The following GPALPP1 variants were observed in gnomAD, a reference collection of about 807,000 sequenced individuals.
The protein encoded by GPALPP1 is GPALPP motifs-containing protein 1.
GPALPP1 carries 30 observed loss-of-function variants against 38.9 expected under a neutral mutation model. The observed-to-expected ratio is 0.77, with a 90% CI of 0.58 to 1.05. GPALPP1 has a LOEUF of 1.05. GPALPP1 is among the 50% of genes least tolerant of loss of function. The pLI is 0.00. For synonymous variants in GPALPP1, 120 were observed against 139.2 expected (o/e 0.86, Z 0.97); for missense variants, 384 against 408.8 (o/e 0.94, Z 0.52).
rs1163282915 is a variant in GPALPP1 at position 45,027,863 on chromosome 13, C to G, written c.883C>G (p.Pro295Ala). The G allele has an allele frequency of 2.5e-6, 4 of 1,604,858 alleles. No individual in the cohort carries two copies. Among genetic ancestry groups the G allele is most frequent in the South Asian group, 1.1e-5 (1 of 90,866 alleles). ...TAAGGCTGCTGAAGACAAAAATAAG[C>G]CTCAAGAGAGAATACCATTTGACCG... ...KSKAAEDKNK[P>A]QERIPFDRDK... The change falls in exon 8 of 8, where the codon CCT becomes GCT. Residue 295 changes from proline to alanine, a missense_variant. Transcript: ENST00000379151.
At chr13:45,016,013 GA>G (rs893730664) in intron 6 of GPALPP1, among the ~76,000 whole-genome samples, 12 of 145,634 alleles carry the variant, frequency 8.2e-5, no homozygotes, top group African/African-American at 2.3e-4. Flanking sequence ...AAATATTTTA[GA>G]AAAAAAAAAC....
At chr13:45,032,016 T>G (rs143156066), downstream of GPALPP1, 35 of 152,350 alleles carry the variant, frequency 2.3e-4, no homozygotes, top group Admixed American at 9.1e-4. Flanking sequence ...CCATTTAAGT[T>G]TGTTATACTT....
intron 4 of GPALPP1, among the ~76,000 whole-genome samples, chr13:45,011,265 G>GT (rs1874455049): frequency 6.6e-6 from 1 of 152,136 alleles, no homozygotes; most frequent in South Asian, 2.1e-4. Flanking sequence ...CCTAGCTTGG[G>GT]TACGCTTAGC....
intron 1 of GPALPP1, among the ~76,000 whole-genome samples, chr13:44,997,541 G>C (rs1873379948): frequency 6.6e-6 from 1 of 152,092 alleles, no homozygotes; most frequent in Admixed American, 6.5e-5. Flanking sequence ...GGAGTAGTGA[G>C]TCTACCCTAC....
intron 3 of GPALPP1, among the ~76,000 whole-genome samples, chr13:45,007,511 T>C (rs946766391): frequency 1.3e-5 from 2 of 152,200 alleles, no homozygotes; most frequent in African/African-American, 4.8e-5. Context: ...AAAATTGTAC[T>C]CAGAAAAAAC....
intron 4 of GPALPP1, among the ~76,000 whole-genome samples, chr13:45,009,244 T>C (rs1874313280): frequency 1.3e-5 from 2 of 152,190 alleles, no homozygotes; most frequent in South Asian, 4.1e-4. Flanking sequence ...TTAACAATGG[T>C]CTTTACCTTG....
At chr13:44,994,395 C>T (rs149612668) in intron 1 of GPALPP1, among the ~76,000 whole-genome samples, 25 of 151,892 alleles carry the variant, frequency 1.6e-4, no homozygotes, top group South Asian at 8.3e-4. Flanking sequence ...CCAGCCTCAA[C>T]GTGGAGAAAC....
chr13:45,026,474 G>A (rs1875840328), intron 7 of GPALPP1, among the ~76,000 whole-genome samples: 1 of 152,034 alleles, frequency 6.6e-6, no homozygotes. Context: ...CCATTCATAT[G>A]ACACTCTGAA....
At chr13:45,031,987 G>A (rs965135962), downstream of GPALPP1, 1 of 152,178 alleles carries the variant, frequency 6.6e-6, no homozygotes, top group Non-Finnish European at 1.5e-5. Flanking sequence ...TACTTTTAAT[G>A]TTCTTACCAT....
chr13:44,991,237 G>A (rs944332782), intron 1 of GPALPP1, among the ~76,000 whole-genome samples: 2 of 151,474 alleles, frequency 1.3e-5, no homozygotes, highest in Admixed American at 6.6e-5. Context: ...TCACGAGGTC[G>A]AGAGATCGAG....
At position 45,004,336 on chromosome 13, in the gene GPALPP1, AAGC is replaced by A. The variant is rs755739321; in HGVS notation, c.123_125del (p.Ser44del). The A allele has an allele frequency of 5.0e-6, 8 of 1,611,550 alleles. No individual in the cohort carries two copies. The Admixed American group carries it at 1.0e-4, about 20-fold the overall frequency. On this transcript the variant is annotated inframe_deletion, in exon 2 of 8. Transcript: ENST00000379151. Reference sequence around the variant, plus strand: ...GACCAGCTCTGCCCCCTAATTATAAAAGCAGTAGTTCAGATTCATCAGACAGCG... The same window carrying A: ...GACCAGCTCTGCCCCCTAATTATAAAAGTAGTTCAGATTCATCAGACAGCG...
chr13:45,000,702 A>G (rs191173671), intron 1 of GPALPP1, among the ~76,000 whole-genome samples: 12 of 152,312 alleles, frequency 7.9e-5, no homozygotes, highest in East Asian at 1.9e-4. Context: ...AAAAGAGCCA[A>G]TCACTCCTGT....
intron 4 of GPALPP1, 150 bp from the exon 5 acceptor site, chr13:45,014,802 C>A: frequency 1.8e-6 from 1 of 556,864 alleles, no homozygotes; most frequent in African/African-American, 2.0e-5. Context: ...AGGAAAAAGT[C>A]CTCATGGTTC....
intron 6 of GPALPP1, among the ~76,000 whole-genome samples, chr13:45,019,662 T>TC (rs1421266688): frequency 1.3e-5 from 2 of 150,676 alleles, no homozygotes; most frequent in Non-Finnish European, 2.9e-5. Context: ...TGTTTTTTTT[T>TC]CCCCCTCCAG....
chr13:44,997,958 C>T (rs141968618), intron 1 of GPALPP1, among the ~76,000 whole-genome samples: 1 of 152,330 alleles, frequency 6.6e-6, no homozygotes, highest in East Asian at 1.9e-4. Flanking sequence ...TGGCCTGTTC[C>T]CTAACTGGGT....
intron 1 of GPALPP1, among the ~76,000 whole-genome samples, chr13:44,999,315 A>G (rs948308336): frequency 1.3e-4 from 20 of 152,188 alleles, no homozygotes; most frequent in African/African-American, 4.6e-4. Flanking sequence ...AAGGGAAATA[A>G]GTGAAATATA....
At chr13:44,992,754 A>G (rs1330053221) in intron 1 of GPALPP1, among the ~76,000 whole-genome samples, 1 of 152,176 alleles carries the variant, frequency 6.6e-6, no homozygotes, top group African/African-American at 2.4e-5. Flanking sequence ...AGGCAACCAT[A>G]TATATGCATC....
intron 6 of GPALPP1, among the ~76,000 whole-genome samples, chr13:45,016,313 G>T (rs1426721196): frequency 6.6e-6 from 1 of 152,042 alleles, no homozygotes; most frequent in Non-Finnish European, 1.5e-5. Flanking sequence ...AATTAGCCAG[G>T]CGCGGTGGCA....
chr13:45,008,004 A>G (rs1874214146), intron 3 of GPALPP1, among the ~76,000 whole-genome samples: 1 of 152,158 alleles, frequency 6.6e-6, no homozygotes, highest in Non-Finnish European at 1.5e-5. Flanking sequence ...GCAGTAGGGC[A>G]GCTGGAAAGA....
Sources: gnomAD v4.1 joint callset for allele counts (sites outside exome capture counted in the v4.1 genomes callset) on GRCh38, gnomAD v4.1.1 for gene constraint, MANE v1.5 for transcripts, NCBI Gene and HGNC (gene_info 2026-07-23, HGNC 2026-07-21) for gene names.